The following FGD4 variants were observed in gnomAD, a reference collection of about 807,000 sequenced individuals.
FGD4 encodes FYVE, RhoGEF and PH domain-containing protein 4.
FGD4 carries 42 observed loss-of-function variants against 102.0 expected under a neutral mutation model. The observed-to-expected ratio is 0.41, with a 90% CI of 0.32 to 0.53. The LOEUF (loss-of-function observed/expected upper bound fraction) is 0.53, where lower values mean the gene tolerates loss of function less well. FGD4 is among the 20% of genes least tolerant of loss of function. The pLI is 0.21. For missense variants in FGD4, 902 were observed against 1,078.2 expected (o/e 0.84, Z 2.29); for synonymous variants, 380 against 375.7 (o/e 1.01, Z -0.13).
intron 1 of FGD4, among the ~76,000 whole-genome samples, chr12:32,502,976 G>A (rs1447757940): frequency 6.6e-6 from 1 of 152,152 alleles, no homozygotes; most frequent in African/African-American, 2.4e-5. Context: ...TATTTCAACA[G>A]CCCCTTAAAA....
intron 1 of FGD4, among the ~76,000 whole-genome samples, chr12:32,554,365 C>G (rs1241518797): frequency 6.6e-6 from 1 of 152,006 alleles, no homozygotes; most frequent in Non-Finnish European, 1.5e-5. Context: ...AGGTTGGGCT[C>G]TAGATATTTC....
intron 1 of FGD4, among the ~76,000 whole-genome samples, chr12:32,458,001 T>G (rs545549459): frequency 6.6e-6 from 1 of 152,158 alleles, no homozygotes; most frequent in South Asian, 2.1e-4. Flanking sequence ...TTTTCACTTT[T>G]TTTTTTTAAT....
intron 1 of FGD4, among the ~76,000 whole-genome samples, chr12:32,439,577 T>C (rs1942357667): frequency 6.6e-6 from 1 of 152,238 alleles, no homozygotes; most frequent in African/African-American, 2.4e-5. Context: ...TTTACATTAC[T>C]AGCAGCAATG....
At chr12:32,570,250 A>AG (rs1227625793) in intron 2 of FGD4, among the ~76,000 whole-genome samples, 3 of 151,112 alleles carry the variant, frequency 2.0e-5, no homozygotes, top group Non-Finnish European at 4.4e-5. Context: ...CAAAAAAAAA[A>AG]AAAAAAAAAA....
At chr12:32,598,203 A>G (rs1948065444) in intron 4 of FGD4, among the ~76,000 whole-genome samples, 1 of 152,232 alleles carries the variant, frequency 6.6e-6, no homozygotes, top group Non-Finnish European at 1.5e-5. Context: ...AAGATGGAAA[A>G]ATGAAGAAAG....
At chr12:32,402,051 C>G (rs1255964078) in intron 1 of FGD4, among the ~76,000 whole-genome samples, 2 of 151,254 alleles carry the variant, frequency 1.3e-5, no homozygotes, top group Admixed American at 6.6e-5. Flanking sequence ...TACAGGCGCC[C>G]GCCACCACGC....
Position 32,598,558 on chromosome 12 carries a change from A to T in FGD4, c.1073A>T (p.Tyr358Phe). Residue 358 changes from tyrosine (Y) to phenylalanine (F), a missense_variant, in exon 5 of 17, where the codon TAT (tyrosine) becomes TTT (phenylalanine). By Grantham distance (22) the Tyr-to-Phe change is conservative. This residue lies in a region of FGD4 where 443 missense variants were observed against 459.2 expected (regional missense o/e 0.96). Coordinates refer to ENST00000534526, the MANE Select transcript of FGD4 (RefSeq NM_001370298.3). ...ANELLLTERAYVNRLDLLDQV... is the reference protein window; with the variant it reads ...ANELLLTERAFVNRLDLLDQV... The stretch of plus-strand genomic sequence containing the variant: ...GAACTTTTGCTTACTGAAAGAGCTT[A>T]TGTCAACCGACTTGACCTCTTAGAT... The T allele has an allele frequency of 1.9e-6, 3 of 1,613,856 alleles. No homozygotes were observed. The highest frequency in any genetic ancestry group is 2.5e-6 in the Non-Finnish European group (3 of 1,179,894).
intron 1 of FGD4, among the ~76,000 whole-genome samples, chr12:32,518,154 C>T (rs1194372779): frequency 6.6e-6 from 1 of 152,174 alleles, no homozygotes; most frequent in Admixed American, 6.5e-5. Flanking sequence ...AGGAACATGA[C>T]TACTGCCTAC....
intron 14 of FGD4, 105 bp from the exon 15 acceptor site, chr12:32,633,444 C>T: frequency 8.0e-7 from 1 of 1,245,666 alleles, no homozygotes. Flanking sequence ...CAAAAATCTG[C>T]CTTCTATGCT....
intron 1 of FGD4, among the ~76,000 whole-genome samples, chr12:32,429,272 C>T (rs1220641402): frequency 1.3e-5 from 2 of 152,208 alleles, no homozygotes; most frequent in African/African-American, 2.4e-5. Context: ...TTCCTTCTAA[C>T]AGTCAGGGTC....
At chr12:32,421,308 A>G (rs1016045504) in intron 1 of FGD4, among the ~76,000 whole-genome samples, 8 of 152,226 alleles carry the variant, frequency 5.3e-5, no homozygotes, top group African/African-American at 1.9e-4. Context: ...AGCAATGTGT[A>G]GCAATTTTGT....
At chr12:32,596,713 A>G (rs1301585420) in intron 4 of FGD4, among the ~76,000 whole-genome samples, 1 of 151,858 alleles carries the variant, frequency 6.6e-6, no homozygotes, top group African/African-American at 2.4e-5. Context: ...AGGCGGGCGG[A>G]TCACCTGAGG....
chr12:32,585,368 A>G (rs975828522), intron 4 of FGD4, among the ~76,000 whole-genome samples: 6 of 151,518 alleles, frequency 4.0e-5, no homozygotes, highest in Non-Finnish European at 7.4e-5. Flanking sequence ...AGAAAGAAAA[A>G]TGTGAAAAAA....
intron 1 of FGD4, among the ~76,000 whole-genome samples, chr12:32,552,594 C>A (rs995582071): frequency 4.6e-5 from 7 of 151,482 alleles, no homozygotes; most frequent in African/African-American, 1.7e-4. Flanking sequence ...AACCAACATT[C>A]TTAGTTGAAC....
At chr12:32,611,035 C>A (rs1949102693) in intron 9 of FGD4, 102 bp from the exon 10 acceptor site, 1 of 1,429,524 alleles carries the variant, frequency 7.0e-7, no homozygotes, top group Non-Finnish European at 9.8e-7. Flanking sequence ...TATGCTTACT[C>A]CTAATCCCTT....
chr12:32,518,214 C>A (rs1023247668), intron 1 of FGD4, among the ~76,000 whole-genome samples: 10 of 152,142 alleles, frequency 6.6e-5, no homozygotes, highest in Non-Finnish European at 7.3e-5. Context: ...GGGTGGTGTG[C>A]CCTACAGGGT....
intron 15 of FGD4, 35 bp from the exon 16 acceptor site, chr12:32,638,620 T>C: frequency 6.2e-7 from 1 of 1,613,008 alleles, no homozygotes; most frequent in Non-Finnish European, 8.5e-7. Flanking sequence ...TGATTTGTTG[T>C]GTGTTCATTC....
rs538459529 is a variant in FGD4 at position 32,578,862 on chromosome 12, T to C, written c.503+2413T>C. 5.3e-5 allele frequency among the ~76,000 whole-genome samples: 8 copies of C among 152,024 alleles called. No individual in the cohort carries two copies. In the South Asian group the frequency reaches 1.0e-3, roughly 20 times the overall value. On this transcript the variant is annotated intron_variant, in intron 3 of 16. Transcript: ENST00000534526. The stretch of plus-strand genomic sequence containing the variant: ...AAAAAAACATCGTAGCACTAGTTTG[T>C]TAAGATGACAGATTTGGAGCAAGTA...
intron 4 of FGD4, among the ~76,000 whole-genome samples, chr12:32,593,743 G>C (rs1036144818): frequency 2.6e-4 from 39 of 152,260 alleles, no homozygotes; most frequent in African/African-American, 9.4e-4. Context: ...TTTTATCATG[G>C]CACAAGTTCT....
Sources: allele counts gnomAD v4.1 joint callset (sites outside exome capture counted in the v4.1 genomes callset), GRCh38; gene constraint gnomAD v4.1.1; regional missense constraint gnomAD v4.1.1; transcripts MANE v1.5; gene names NCBI Gene and HGNC (gene_info 2026-07-23, HGNC 2026-07-21).